Variants in ANO4 observed in about 807,000 individuals in gnomAD.
ANO4 encodes the protein anoctamin-4.
A neutral mutation model predicts 141.9 loss-of-function variants in ANO4; 69 were observed. The ratio of observed to expected loss-of-function variants is 0.49; its 90% CI spans 0.40 to 0.59. The LOEUF (loss-of-function observed/expected upper bound fraction) is 0.59. ANO4 is among the 20% of genes least tolerant of loss of function. The pLI is 0.00. For missense variants in ANO4, 894 were observed against 1,162.2 expected (o/e 0.77, Z 3.36); for synonymous variants, 350 against 394.3 (o/e 0.89, Z 1.33).
At chr12:100,744,992 C>T (rs551426334) in intron 3 of ANO4, among the ~76,000 whole-genome samples, 3 of 152,102 alleles carry the variant, frequency 2.0e-5, no homozygotes, top group African/African-American at 7.2e-5. Flanking sequence ...CTCCCTCTCC[C>T]ACCTTTTCTT....
intron 3 of ANO4, among the ~76,000 whole-genome samples, chr12:100,748,803 A>T (rs193112728): frequency 2.0e-5 from 3 of 152,062 alleles, no homozygotes; most frequent in East Asian, 3.9e-4. Flanking sequence ...TATGATTTTT[A>T]AAAAATGGGA....
chr12:101,054,790 G>C (rs899487676), intron 14 of ANO4, among the ~76,000 whole-genome samples: 1 of 151,852 alleles, frequency 6.6e-6, no homozygotes, highest in East Asian at 1.9e-4. Flanking sequence ...CCCGGCCTAA[G>C]AGAACATTTT....
chr12:101,088,400 G>GT (rs945547969), intron 17 of ANO4, among the ~76,000 whole-genome samples: 5 of 150,926 alleles, frequency 3.3e-5, no homozygotes, highest in Admixed American at 6.6e-5. Context: ...GCTTGCCTGT[G>GT]TTTTTTCTAT....
chr12:100,743,998 A>G (rs563509338), intron 3 of ANO4, among the ~76,000 whole-genome samples: 2 of 152,014 alleles, frequency 1.3e-5, no homozygotes, highest in South Asian at 4.2e-4. Flanking sequence ...TTCTCTTTCT[A>G]GTCATTCCTA....
chr12:100,923,835 T>C (rs1441858179), intron 3 of ANO4, among the ~76,000 whole-genome samples: 1 of 152,086 alleles, frequency 6.6e-6, no homozygotes, highest in Non-Finnish European at 1.5e-5. Flanking sequence ...CATTCTAACT[T>C]GTGTTAGATG....
rs182514223 is a variant in ANO4, at chr12:100,926,350, C to A, written c.160+4020C>A. On this transcript the variant is annotated intron_variant, in intron 3 of 27. Coordinates refer to ENST00000392977, the MANE Select transcript of ANO4 (RefSeq NM_001286615.2). The stretch of plus-strand genomic sequence containing the variant: ...GCCATACTCAAGTGCTTTTTCAGAT[C>A]CTCCATATTAGATGTACAGCTTATA... Among the ~76,000 whole-genome samples the A allele has an allele frequency of 1.1e-3, 165 of 152,132 alleles. 3 individuals are homozygous for A. In the East Asian group the frequency reaches 0.018, roughly 16 times the overall value.
At position 101,126,963 on chromosome 12, in the gene ANO4, A is replaced by G; in HGVS notation, c.2761A>G (p.Lys921Glu). Residue 921 changes from lysine (K) to glutamate (E), a missense_variant, in exon 27 of 28, where the codon AAG (lysine) becomes GAG (glutamate). Lys to Glu is a moderately conservative substitution (Grantham distance 56). Coordinates refer to ENST00000392977, the MANE Select transcript of ANO4 (RefSeq NM_001286615.2). ...CCTAAGGGATCGAATGAGAAGAGAG[A>G]AGTACTTGATTCAGGAGATGATGTA... ...KDLRDRMRRE[K>E]YLIQEMMYEA... The G allele has an allele frequency of 6.2e-7, 1 of 1,614,166 alleles. No individual in the cohort carries two copies. Among genetic ancestry groups the G allele is most frequent in the Non-Finnish European group, 8.5e-7 (1 of 1,180,024 alleles).
intron 8 of ANO4, among the ~76,000 whole-genome samples, chr12:100,999,245 T>C (rs1326652805): frequency 6.6e-6 from 1 of 152,324 alleles, no homozygotes; most frequent in East Asian, 1.9e-4. Flanking sequence ...TGGAGGAGAA[T>C]CTATTTCTTT....
intron 1 of ANO4, among the ~76,000 whole-genome samples, chr12:100,821,947 A>G (rs2036077916): frequency 6.6e-6 from 1 of 151,892 alleles, no homozygotes; most frequent in Non-Finnish European, 1.5e-5. Flanking sequence ...CAAAGACACT[A>G]TATGAAAGTG....
intron 3 of ANO4, among the ~76,000 whole-genome samples, chr12:100,776,919 G>A (rs2135567574): frequency 6.6e-6 from 1 of 152,262 alleles, no homozygotes; most frequent in Non-Finnish European, 1.5e-5. Flanking sequence ...TATTTACAGT[G>A]ACTCTTTAGG....
At chr12:100,764,696 A>G (rs2033006002) in intron 3 of ANO4, among the ~76,000 whole-genome samples, 1 of 152,204 alleles carries the variant, frequency 6.6e-6, no homozygotes, top group African/African-American at 2.4e-5. Flanking sequence ...TGCTCCAAGG[A>G]AGCATATAAA....
chr12:100,931,163 C>A (rs2042076395), intron 3 of ANO4, among the ~76,000 whole-genome samples: 1 of 152,134 alleles, frequency 6.6e-6, no homozygotes, highest in Non-Finnish European at 1.5e-5. Context: ...GAGTCTTGGG[C>A]TTGCTCGTGT....
chr12:100,778,732 A>G (rs1025322375), intron 3 of ANO4, among the ~76,000 whole-genome samples: 28 of 152,232 alleles, frequency 1.8e-4, no homozygotes, highest in African/African-American at 6.8e-4. Flanking sequence ...CAGCACAGCT[A>G]TGTATCCTAA....
chr12:100,884,938 G>C (rs900527871), intron 1 of ANO4, among the ~76,000 whole-genome samples: 23 of 152,098 alleles, frequency 1.5e-4, no homozygotes, highest in Non-Finnish European at 2.6e-4. Context: ...CAGGTGATCC[G>C]CCCGCCTTGG....
intron 1 of ANO4, among the ~76,000 whole-genome samples, chr12:100,802,598 A>G (rs1441480101): frequency 6.6e-6 from 1 of 152,244 alleles, no homozygotes; most frequent in Non-Finnish European, 1.5e-5. Context: ...GATGTGGTAG[A>G]AAAGAAGCTG....
chr12:100,783,906 C>T (rs1259320738), intron 3 of ANO4, among the ~76,000 whole-genome samples: 4 of 152,050 alleles, frequency 2.6e-5, no homozygotes, highest in African/African-American at 4.8e-5. Context: ...CTCTCATTTC[C>T]ACCTTCCAAA....
intron 3 of ANO4, among the ~76,000 whole-genome samples, chr12:100,925,576 A>G (rs1367653251): frequency 6.6e-6 from 1 of 151,882 alleles, no homozygotes; most frequent in Non-Finnish European, 1.5e-5. Flanking sequence ...GCAAACCACC[A>G]TGGCACGTGT....
intron 1 of ANO4, among the ~76,000 whole-genome samples, chr12:100,869,293 GA>G (rs1248065419): frequency 1.3e-5 from 2 of 152,200 alleles, no homozygotes; most frequent in African/African-American, 4.8e-5. Flanking sequence ...TTATGTAAGG[GA>G]TGTAGGCTGT....
intron 11 of ANO4, 89 bp from the exon 12 acceptor site, chr12:101,042,245 G>A (rs1056058315): frequency 2.4e-5 from 36 of 1,520,906 alleles, no homozygotes; most frequent in South Asian, 4.9e-5. Context: ...TCGTAAGGCC[G>A]CTACAAAGTA....
Sources: allele counts gnomAD v4.1 joint callset (sites outside exome capture counted in the v4.1 genomes callset), GRCh38; gene constraint gnomAD v4.1.1; transcripts MANE v1.5; gene names NCBI Gene and HGNC (gene_info 2026-07-23, HGNC 2026-07-21).